The following AFG2A variants were observed in gnomAD, a reference collection of about 807,000 sequenced individuals.
AFG2A encodes AAA ATPase AFG2A, also known as ATPase family gene 2 protein homolog A.
the AFG2A span, among the ~76,000 whole-genome samples, chr4:123,313,334 C>T: frequency 2.0e-5 from 3 of 152,154 alleles, no homozygotes; most frequent in African/African-American, 7.2e-5. Flanking sequence ...ATCTGATATT[C>T]CTGAGATTTA....
the AFG2A span, among the ~76,000 whole-genome samples, chr4:123,115,196 C>T: frequency 2.6e-4 from 39 of 152,222 alleles, 1 homozygote; most frequent in Admixed American, 2.2e-3. Context: ...ACCCGGCTCT[C>T]GGTGGCAGCC....
the AFG2A span, among the ~76,000 whole-genome samples, chr4:122,992,978 G>GTGTGTGTGTA: frequency 0.07 from 9,395 of 134,598 alleles, 569 homozygotes; most frequent in African/African-American, 0.16. Flanking sequence ...GTGTGTGTAT[G>GTGTGTGTGTA]TGTGTGTGTG....
the AFG2A span, among the ~76,000 whole-genome samples, chr4:123,025,173 C>T: frequency 6.6e-6 from 1 of 152,106 alleles, no homozygotes. Context: ...AACAGCTGCC[C>T]CTCAAGTTGG....
chr4:123,126,964 T>C, the AFG2A span, among the ~76,000 whole-genome samples: 1 of 152,192 alleles, frequency 6.6e-6, no homozygotes, highest in Non-Finnish European at 1.5e-5. Flanking sequence ...CCCACACCTG[T>C]AATCCCAACA....
chr4:123,186,587 GT>G, the AFG2A span, among the ~76,000 whole-genome samples: 1 of 152,064 alleles, frequency 6.6e-6, no homozygotes, highest in Non-Finnish European at 1.5e-5. Flanking sequence ...AAGGTACATC[GT>G]TTTAAATTTG....
chr4:123,257,624 A>G, the AFG2A span, among the ~76,000 whole-genome samples: 1 of 152,206 alleles, frequency 6.6e-6, no homozygotes. Flanking sequence ...ATGACCATCC[A>G]TAAAGTTAAA....
chr4:122,931,619 A>G, the AFG2A span, among the ~76,000 whole-genome samples: 1 of 152,202 alleles, frequency 6.6e-6, no homozygotes, highest in Admixed American at 6.5e-5. Flanking sequence ...GAGGAGATTT[A>G]GAAGTGTTAG....
the AFG2A span, among the ~76,000 whole-genome samples, chr4:123,081,890 A>G: frequency 6.6e-6 from 1 of 152,104 alleles, no homozygotes; most frequent in Non-Finnish European, 1.5e-5. Flanking sequence ...CCCTAATAAT[A>G]TATGATGTTG....
chr4:123,240,742 C>T, the AFG2A span, among the ~76,000 whole-genome samples: 12,973 of 152,050 alleles, frequency 0.085, 739 homozygotes, highest in Middle Eastern at 0.16. Context: ...AAAGAGGAAA[C>T]ATACAAAAGC....
chr4:122,934,344 T>G, the AFG2A span: 17 of 1,614,198 alleles, frequency 1.1e-5, no homozygotes, highest in African/African-American at 1.7e-4. Flanking sequence ...CAAGAAGTAC[T>G]CCTTATAAAC....
chr4:123,314,101 C>G, the AFG2A span: 1 of 1,449,112 alleles, frequency 6.9e-7, no homozygotes, highest in Non-Finnish European at 9.1e-7. Context: ...AAATCCTTTC[C>G]AGAGAAAATT....
At chr4:123,097,108 T>C in the AFG2A span, among the ~76,000 whole-genome samples, 36 of 152,060 alleles carry the variant, frequency 2.4e-4, no homozygotes, top group African/African-American at 8.4e-4. Flanking sequence ...TAGCTAAGAT[T>C]ATAGGTGTGC....
At chr4:123,262,060 G>A in the AFG2A span, among the ~76,000 whole-genome samples, 1 of 152,144 alleles carries the variant, frequency 6.6e-6, no homozygotes, top group Non-Finnish European at 1.5e-5. Flanking sequence ...ACAGGCCTGA[G>A]CCACTGTGTC....
chr4:123,316,200 G>A, the AFG2A span: 1 of 151,770 alleles, frequency 6.6e-6, no homozygotes, highest in African/African-American at 2.4e-5. Context: ...CCCACCTAGG[G>A]GACAAAGAAT....
chr4:123,196,006 G>GT, the AFG2A span, among the ~76,000 whole-genome samples: 9 of 142,660 alleles, frequency 6.3e-5, no homozygotes, highest in Non-Finnish European at 7.7e-5. Flanking sequence ...TACCATCCTT[G>GT]TTTTTTTTTT....
chr4:122,934,714 C>A, the AFG2A span: 1 of 1,583,056 alleles, frequency 6.3e-7, no homozygotes. Context: ...GCCCCTCAAA[C>A]AGCCTGAGCT....
chr4:123,030,944 C>T, the AFG2A span, among the ~76,000 whole-genome samples: 1 of 152,116 alleles, frequency 6.6e-6, no homozygotes, highest in Non-Finnish European at 1.5e-5. Flanking sequence ...TAGGGATACT[C>T]AACATGTACT....
chr4:123,113,763 G>C, the AFG2A span, among the ~76,000 whole-genome samples: 1 of 152,136 alleles, frequency 6.6e-6, no homozygotes. Context: ...TTCTTGTCCT[G>C]CATCTAGGAA....
chr4:123,234,383 T>G, the AFG2A span, among the ~76,000 whole-genome samples: 1 of 152,128 alleles, frequency 6.6e-6, no homozygotes, highest in Non-Finnish European at 1.5e-5. Flanking sequence ...TATCTCCTTT[T>G]GAGTGTTACT....
Sources: allele counts gnomAD v4.1 joint callset (sites outside exome capture counted in the v4.1 genomes callset), GRCh38; gene constraint gnomAD v4.1.1; transcripts MANE v1.5; gene names NCBI Gene and HGNC (gene_info 2026-07-23, HGNC 2026-07-21).